MAML2: variants seen among roughly 807,000 people sequenced by gnomAD.
MAML2 encodes the protein mastermind like transcriptional coactivator 2, also known as mastermind-like protein 2.
In MAML2, 22 loss-of-function variants were observed where a neutral mutation model predicts 96.1. The observed-to-expected ratio is 0.23, with a 90% CI of 0.16 to 0.33. The LOEUF (loss-of-function observed/expected upper bound fraction) is 0.33. MAML2 is among the 10% of genes least tolerant of loss of function. The pLI is 1.00. For missense variants in MAML2, 1,367 were observed against 1,392.4 expected (o/e 0.98, Z 0.29); for synonymous variants, 561 against 521.3 (o/e 1.08, Z -1.04).
At chr11:96,051,944 G>A (rs1012767446) in intron 2 of MAML2, among the ~76,000 whole-genome samples, 1 of 152,172 alleles carries the variant, frequency 6.6e-6, no homozygotes, top group African/African-American at 2.4e-5. Flanking sequence ...TTGTGGCATT[G>A]TATGTCTTCA....
intron 1 of MAML2, among the ~76,000 whole-genome samples, chr11:96,237,036 CA>C (rs1862375552): frequency 6.6e-6 from 1 of 152,116 alleles, no homozygotes; most frequent in African/African-American, 2.4e-5. Context: ...GCAGACCAAG[CA>C]TGAGCCAAAA....
At chr11:96,085,629 C>A (rs935629403) in intron 2 of MAML2, among the ~76,000 whole-genome samples, 1 of 152,194 alleles carries the variant, frequency 6.6e-6, no homozygotes, top group African/African-American at 2.4e-5. Flanking sequence ...TAACCCTACA[C>A]CCCTTCTTTC....
intron 2 of MAML2, among the ~76,000 whole-genome samples, chr11:96,082,308 C>T (rs1348835082): frequency 6.6e-6 from 1 of 152,046 alleles, no homozygotes; most frequent in Non-Finnish European, 1.5e-5. Context: ...GAGACCTAAA[C>T]GAAATTATAA....
chr11:96,227,412 T>C (rs1862229424), intron 1 of MAML2, among the ~76,000 whole-genome samples: 2 of 152,220 alleles, frequency 1.3e-5, no homozygotes, highest in African/African-American at 4.8e-5. Flanking sequence ...GTAAGTTTCA[T>C]GCCAAGAATG....
chr11:96,161,712 T>G (rs912480698), intron 1 of MAML2, among the ~76,000 whole-genome samples: 3 of 152,238 alleles, frequency 2.0e-5, no homozygotes, highest in Non-Finnish European at 2.9e-5. Context: ...ACTCCACAAC[T>G]ATAGAGTTCG....
intron 2 of MAML2, among the ~76,000 whole-genome samples, chr11:96,060,026 G>A (rs1859130780): frequency 2.0e-5 from 3 of 152,332 alleles, no homozygotes; most frequent in Admixed American, 6.5e-5. Context: ...CAATAAGCTA[G>A]TGGGTCTAGT....
At chr11:96,056,524 A>G (rs1190752837) in intron 2 of MAML2, among the ~76,000 whole-genome samples, 1 of 152,190 alleles carries the variant, frequency 6.6e-6, no homozygotes, top group Non-Finnish European at 1.5e-5. Flanking sequence ...ACATTCATGA[A>G]TCTCTTTAAA....
At chr11:96,098,137 G>C (rs1859863543) in intron 1 of MAML2, among the ~76,000 whole-genome samples, 1 of 152,166 alleles carries the variant, frequency 6.6e-6, no homozygotes, top group Admixed American at 6.5e-5. Flanking sequence ...GGACACAGGG[G>C]GTTGGATGGC....
chr11:96,084,033 G>A (rs1361094443), intron 2 of MAML2, among the ~76,000 whole-genome samples: 2 of 152,122 alleles, frequency 1.3e-5, no homozygotes, highest in Non-Finnish European at 2.9e-5. Flanking sequence ...CCAGGCAGAA[G>A]GAACAGCGTA....
intron 2 of MAML2, among the ~76,000 whole-genome samples, chr11:96,040,859 G>A (rs1190639591): frequency 6.6e-6 from 1 of 152,154 alleles, no homozygotes; most frequent in Non-Finnish European, 1.5e-5. Flanking sequence ...AAATAGCAAA[G>A]CTCAGTGCTG....
intron 1 of MAML2, among the ~76,000 whole-genome samples, chr11:96,231,367 A>C (rs936633341): frequency 3.9e-5 from 6 of 152,206 alleles, no homozygotes; most frequent in Non-Finnish European, 4.4e-5. Flanking sequence ...GTAGATGCTA[A>C]ATATGCTTGT....
At chr11:96,029,157 T>C (rs2135743948) in intron 2 of MAML2, among the ~76,000 whole-genome samples, 1 of 114,116 alleles carries the variant, frequency 8.8e-6, no homozygotes, top group South Asian at 2.8e-4. Context: ...AAGTGAAGAG[T>C]GAAACGGTTT....
chr11:96,110,476 T>G (rs1347703627), intron 1 of MAML2, among the ~76,000 whole-genome samples: 2 of 152,224 alleles, frequency 1.3e-5, no homozygotes, highest in Non-Finnish European at 2.9e-5. Context: ...GAGGCTGCAA[T>G]TCCTTGTTCA....
chr11:96,121,154 C>T (rs1860333701), intron 1 of MAML2, among the ~76,000 whole-genome samples: 2 of 152,102 alleles, frequency 1.3e-5, no homozygotes, highest in Non-Finnish European at 2.9e-5. Flanking sequence ...GAGAAAGGTT[C>T]CTAGATCCCC....
chr11:96,202,223 C>T (rs1164321388), intron 1 of MAML2, among the ~76,000 whole-genome samples: 6 of 146,772 alleles, frequency 4.1e-5, no homozygotes, highest in Non-Finnish European at 6.0e-5. Context: ...TGGTGGCGGG[C>T]GCCTGTAGTC....
intron 1 of MAML2, among the ~76,000 whole-genome samples, chr11:96,259,972 C>T (rs1180950897): frequency 6.7e-6 from 1 of 149,314 alleles, no homozygotes; most frequent in African/African-American, 2.5e-5. Context: ...ATCAGTATGT[C>T]CTGTTCTAAT....
chr11:95,995,466 C>T (rs1045466283), intron 2 of MAML2, among the ~76,000 whole-genome samples: 3 of 151,998 alleles, frequency 2.0e-5, no homozygotes, highest in African/African-American at 4.8e-5. Context: ...TACTAAGTAC[C>T]GTGCCTTAGT....
At chr11:96,272,572 A>G (rs1862932114) in intron 1 of MAML2, among the ~76,000 whole-genome samples, 1 of 152,240 alleles carries the variant, frequency 6.6e-6, no homozygotes, top group African/African-American at 2.4e-5. Context: ...GCAGCCCACC[A>G]GATTTAGATA....
At chr11:96,046,957 G>C (rs1335116148) in intron 2 of MAML2, among the ~76,000 whole-genome samples, 1 of 152,194 alleles carries the variant, frequency 6.6e-6, no homozygotes, top group East Asian at 1.9e-4. Flanking sequence ...TGTTAGAATT[G>C]ACTCTTGAGT....
Sources: allele counts gnomAD v4.1 joint callset (sites outside exome capture counted in the v4.1 genomes callset), GRCh38; gene constraint gnomAD v4.1.1; transcripts MANE v1.5; gene names NCBI Gene and HGNC (gene_info 2026-07-23, HGNC 2026-07-21).